Variants in NF1 observed in about 807,000 individuals in gnomAD.
The protein encoded by NF1 is neurofibromin 1.
In NF1, 122 loss-of-function variants were observed where a neutral mutation model predicts 325.7. The ratio of observed to expected loss-of-function variants is 0.37; its 90% CI spans 0.32 to 0.44. The LOEUF (loss-of-function observed/expected upper bound fraction) is 0.44. Ranked by LOEUF, NF1 falls within the 20% of genes least tolerant of loss-of-function variation. The pLI is 1.00. For synonymous variants in NF1, 1,091 were observed against 1,186.0 expected, an observed-to-expected ratio of 0.92 and a Z score of 1.65; for missense variants, 2,140 against 3,415.4, an observed-to-expected ratio of 0.63 and a Z score of 9.31.
intron 36 of NF1, chr17:31,273,702 G>A (rs2067947919): frequency 6.6e-6 from 1 of 152,108 alleles, no homozygotes; most frequent in African/African-American, 2.4e-5. Flanking sequence ...TTCTAAACTT[G>A]ACCTGCCATT....
chr17:31,349,343 T>C, intron 49 of NF1, 92 bp downstream of exon 49: 1 of 1,333,294 alleles, frequency 7.5e-7, no homozygotes, highest in Non-Finnish European at 1.0e-6. Context: ...TTTTGGCGGT[T>C]GCGTGGCAGA....
intron 3 of NF1, among the ~76,000 whole-genome samples, chr17:31,159,400 C>A (rs1183461610): frequency 6.6e-6 from 1 of 152,172 alleles, no homozygotes; most frequent in African/African-American, 2.4e-5. Flanking sequence ...TTTAACGGAT[C>A]TCTCAGAGAG....
At chr17:31,178,214 C>T (rs1332542784) in intron 5 of NF1, among the ~76,000 whole-genome samples, 1 of 152,152 alleles carries the variant, frequency 6.6e-6, no homozygotes, top group Admixed American at 6.5e-5. Flanking sequence ...GGCCAATATT[C>T]AACATTCTTA....
intron 8 of NF1, among the ~76,000 whole-genome samples, chr17:31,195,924 T>C (rs1001393738): frequency 2.0e-5 from 3 of 152,172 alleles, no homozygotes; most frequent in African/African-American, 7.2e-5. Flanking sequence ...AAGACCCTGC[T>C]TTTAATTCTT....
At chr17:31,255,580 C>T (rs1295704798) in intron 31 of NF1, among the ~76,000 whole-genome samples, 2 of 151,852 alleles carry the variant, frequency 1.3e-5, no homozygotes, top group East Asian at 1.9e-4. Context: ...CCTGAGGTGT[C>T]GATATTTTGG....
chr17:31,326,550 G>A (rs1298968382), intron 37 of NF1, among the ~76,000 whole-genome samples: 1 of 152,162 alleles, frequency 6.6e-6, no homozygotes. Context: ...TGGAGGCTGA[G>A]GCAGGAGAAT....
intron 36 of NF1, among the ~76,000 whole-genome samples, chr17:31,285,243 C>T (rs2151489237): frequency 6.8e-6 from 1 of 147,806 alleles, no homozygotes; most frequent in East Asian, 2.0e-4. Context: ...CACCACTGCA[C>T]TCCAACCTGG....
At chr17:31,328,377 C>G (rs2151542607) in intron 38 of NF1, among the ~76,000 whole-genome samples, 2 of 152,282 alleles carry the variant, frequency 1.3e-5, no homozygotes, top group Admixed American at 1.3e-4. Flanking sequence ...AAGAGCATGG[C>G]TGTGGAGTGA....
intron 1 of NF1, among the ~76,000 whole-genome samples, chr17:31,103,931 G>A (rs1000159998): frequency 1.3e-5 from 2 of 152,150 alleles, no homozygotes; most frequent in African/African-American, 4.8e-5. Flanking sequence ...GGCTGAGTCA[G>A]GATTGCTTGA....
At chr17:31,264,859 C>A (rs2067757659) in intron 35 of NF1, among the ~76,000 whole-genome samples, 1 of 151,286 alleles carries the variant, frequency 6.6e-6, no homozygotes, top group South Asian at 2.1e-4. Flanking sequence ...TTCCATAAAT[C>A]AAAAAAAATG....
intron 12 of NF1, among the ~76,000 whole-genome samples, chr17:31,212,964 A>C (rs1156305103): frequency 6.6e-6 from 1 of 152,166 alleles, no homozygotes; most frequent in Non-Finnish European, 1.5e-5. Flanking sequence ...GTTTTGTGGC[A>C]TATGACTCTA....
At chr17:31,277,810 T>C (rs950452242) in intron 36 of NF1, among the ~76,000 whole-genome samples, 2 of 152,238 alleles carry the variant, frequency 1.3e-5, no homozygotes, top group East Asian at 3.8e-4. Context: ...AACTGCTTCC[T>C]GCACTCACTA....
At chr17:31,183,100 A>C in intron 8 of NF1, 1 of 369,964 alleles carries the variant, frequency 2.7e-6, no homozygotes, top group Non-Finnish European at 4.8e-6. Flanking sequence ...ACAGTTTTCA[A>C]AGAATTTTGC....
At chr17:31,176,740 G>GCCAGTA (rs2143747676) in intron 5 of NF1, among the ~76,000 whole-genome samples, 1 of 152,098 alleles carries the variant, frequency 6.6e-6, no homozygotes, top group Admixed American at 6.5e-5. Flanking sequence ...AGCCAGTTTT[G>GCCAGTA]CCAGTACCAT....
intron 29 of NF1, among the ~76,000 whole-genome samples, chr17:31,240,828 A>G (rs559750613): frequency 2.0e-4 from 31 of 152,272 alleles, no homozygotes; most frequent in African/African-American, 6.7e-4. Flanking sequence ...TCTGATAATC[A>G]GTGATGTTGA....
chr17:31,346,645 G>T (rs2069992754), intron 48 of NF1, among the ~76,000 whole-genome samples: 1 of 151,722 alleles, frequency 6.6e-6, no homozygotes, highest in Non-Finnish European at 1.5e-5. Flanking sequence ...GCTTTCTGGT[G>T]TGTGCCCTCC....
At chr17:31,211,812 A>G (rs2066732505) in intron 12 of NF1, among the ~76,000 whole-genome samples, 1 of 152,216 alleles carries the variant, frequency 6.6e-6, no homozygotes, top group South Asian at 2.1e-4. Flanking sequence ...TGGGTGAGTC[A>G]TTGAGTGAGT....
At chr17:31,162,531 TG>T (rs200283743) in intron 3 of NF1, among the ~76,000 whole-genome samples, 1 of 152,330 alleles carries the variant, frequency 6.6e-6, no homozygotes, top group East Asian at 1.9e-4. Context: ...AAAGACATTT[TG>T]GGGGCAGTGG....
intron 36 of NF1, chr17:31,296,412 A>G: frequency 6.7e-7 from 1 of 1,486,848 alleles, no homozygotes; most frequent in Non-Finnish European, 9.4e-7. Context: ...AGTTAGCATT[A>G]GGCAAAATTT....
Sources: gnomAD v4.1 joint callset for allele counts (sites outside exome capture counted in the v4.1 genomes callset) on GRCh38, gnomAD v4.1.1 for gene constraint, MANE v1.5 for transcripts, NCBI Gene and HGNC (gene_info 2026-07-23, HGNC 2026-07-21) for gene names.